The following RNF212 variants were observed in gnomAD, a reference collection of about 807,000 sequenced individuals.
The protein encoded by RNF212 is ring finger protein 212.
RNF212 carries 33 observed loss-of-function variants against 34.7 expected under a neutral mutation model. The observed-to-expected ratio is 0.95, with a 90% CI of 0.72 to 1.27. The LOEUF (loss-of-function observed/expected upper bound fraction) is 1.27. Ranked by LOEUF, RNF212 falls within the 50% of genes most tolerant of loss-of-function variation. RNF212 has a pLI of 0.00. For missense variants in RNF212, 377 were observed against 362.2 expected (o/e 1.04, Z -0.33); for synonymous variants, 140 against 136.1 (o/e 1.03, Z -0.20).
rs1718539716 is a variant in RNF212 at position 1,071,945 on chromosome 4, T to C, written c.*929A>G. The C allele has an allele frequency of 6.6e-6, 1 of 152,214 alleles. No homozygotes were observed. The highest frequency in any genetic ancestry group is 1.5e-5 in the Non-Finnish European group (1 of 68,042). The allele number at this position is 152,214 out of a possible 1,614,324, so 9.4% of individuals were successfully genotyped here. Reference sequence around the variant, plus strand: ...TTTACCCAAAGGAGCTGAAAACATGTCTACACAAAACCCTGGCACATGGAC... The same window carrying C: ...TTTACCCAAAGGAGCTGAAAACATGCCTACACAAAACCCTGGCACATGGAC... On this transcript the variant is annotated 3_prime_UTR_variant, in exon 10 of 10. Coordinates refer to ENST00000433731, the MANE Select transcript of RNF212 (RefSeq NM_001131034.4).
chr4:1,081,194 G>A (rs919231749), intron 7 of RNF212, among the ~76,000 whole-genome samples: 1 of 152,204 alleles, frequency 6.6e-6, no homozygotes, highest in Non-Finnish European at 1.5e-5. Context: ...AATCACTGTC[G>A]CTGCAGGATG....
intron 3 of RNF212, among the ~76,000 whole-genome samples, chr4:1,065,516 G>A (rs1232730135): frequency 1.8e-5 from 2 of 112,764 alleles, no homozygotes; most frequent in African/African-American, 3.8e-5. Flanking sequence ...CAACCAGTCT[G>A]GGGTGCAGTG....
downstream of RNF212, among the ~76,000 whole-genome samples, chr4:1,068,132 GA>G (rs1176749358): frequency 5.3e-5 from 8 of 152,316 alleles, no homozygotes; most frequent in African/African-American, 1.9e-4. Flanking sequence ...ATATGGAAAT[GA>G]AGAGAACCTG....
chr4:1,072,754 A>G lies in RNF212; in HGVS notation c.*120T>C, dbSNP rs1190959544. On this transcript the variant is annotated 3_prime_UTR_variant, in exon 10 of 10. Coordinates refer to ENST00000433731, the MANE Select transcript of RNF212 (RefSeq NM_001131034.4). Reference sequence around the variant, plus strand: ...AAAGCAAATTGGGTAAAAGGTTAATATCCTGCACACTGAGGGCTTCCACAT... The same window carrying G: ...AAAGCAAATTGGGTAAAAGGTTAATGTCCTGCACACTGAGGGCTTCCACAT... 6.9e-6 allele frequency: 10 copies of G among 1,447,908 alleles called. No homozygotes were observed. The Admixed American group carries it at 2.5e-4, about 36-fold the overall frequency. The allele number at this position is 1,447,908 out of a possible 1,614,324, so 89.7% of individuals were successfully genotyped here.
At chr4:1,057,450 G>C (rs1717403866) in intron 4 of RNF212, among the ~76,000 whole-genome samples, 1 of 152,192 alleles carries the variant, frequency 6.6e-6, no homozygotes, top group Non-Finnish European at 1.5e-5. Context: ...CCAGAGGTCT[G>C]AGAAGAGCAG....
intron 8 of RNF212, among the ~76,000 whole-genome samples, chr4:1,075,493 A>G (rs1219596915): frequency 6.6e-6 from 1 of 152,096 alleles, no homozygotes; most frequent in Non-Finnish European, 1.5e-5. Context: ...TGTACTTTTA[A>G]CCAGCCAGAT....
At chr4:1,104,169 C>T (rs900079127) in intron 2 of RNF212, among the ~76,000 whole-genome samples, 3 of 152,204 alleles carry the variant, frequency 2.0e-5, no homozygotes, top group Non-Finnish European at 4.4e-5. Flanking sequence ...CAAAGCCTCC[C>T]TAAAGAACAG....
chr4:1,092,125 C>A (rs1722279439), intron 3 of RNF212, among the ~76,000 whole-genome samples: 1 of 152,278 alleles, frequency 6.6e-6, no homozygotes, highest in African/African-American at 2.4e-5. Context: ...ACATTCCACC[C>A]TGCAGGCAAG....
chr4:1,100,398 ATTTTTTTTTT>A (rs58088919), intron 2 of RNF212: 12 of 84,418 alleles, frequency 1.4e-4, no homozygotes, highest in Admixed American at 9.1e-4. Flanking sequence ...ATTTTCCATA[ATTTTTTTTTT>A]TTTTTTTTTT....
intron 3 of RNF212, among the ~76,000 whole-genome samples, chr4:1,062,832 A>G (rs1560090142): frequency 6.6e-6 from 1 of 152,238 alleles, no homozygotes; most frequent in Non-Finnish European, 1.5e-5. Context: ...CACAAAAAAA[A>G]TCCCCAGAGC....
chr4:1,072,867 A>T lies in RNF212; in HGVS notation c.*7T>A. On this transcript the variant is annotated 3_prime_UTR_variant, in exon 10 of 10. Coordinates refer to ENST00000433731, the MANE Select transcript of RNF212 (RefSeq NM_001131034.4). ...CTCAGAATCATTAATAGTCACATAA[A>T]TGCAAATCAAAATGACTTTTTCCTT... 6.3e-7 allele frequency: 1 copy of T among 1,580,814 alleles called. No homozygotes were observed. Among genetic ancestry groups the T allele is most frequent in the Non-Finnish European group, 8.6e-7 (1 of 1,161,918 alleles).
rs189898483 is a variant in RNF212 at position 1,108,893 on chromosome 4, G to T, written c.110-489C>A. On this transcript the variant is annotated intron_variant, in intron 1 of 9. Coordinates refer to ENST00000433731, the MANE Select transcript of RNF212 (RefSeq NM_001131034.4). ...TTTTAAATTTTTTTGTAGAGACAGG[G>T]TCTCACTATGTTGCCCACACTGGGC... Among the ~76,000 whole-genome samples the T allele has an allele frequency of 3.9e-4, 59 of 152,076 alleles. 1 individual carries two copies. The East Asian group carries it at 9.1e-3, about 23-fold the overall frequency.
At chr4:1,071,305 TTC>T (rs1718473556), downstream of RNF212, among the ~76,000 whole-genome samples, 1 of 152,150 alleles carries the variant, frequency 6.6e-6, no homozygotes, top group Admixed American at 6.5e-5. Flanking sequence ...TTACAATTTT[TTC>T]TGTGTGCTTG....
At chr4:1,070,879 G>GT (rs61464812), downstream of RNF212, among the ~76,000 whole-genome samples, 2,532 of 145,972 alleles carry the variant, frequency 0.017, 63 homozygotes, top group African/African-American at 0.059. Context: ...TTGGAGTTTT[G>GT]TTTTTTTTTT....
chr4:1,111,082 C>T (rs1725585600), intron 1 of RNF212, among the ~76,000 whole-genome samples: 2 of 152,164 alleles, frequency 1.3e-5, no homozygotes, highest in African/African-American at 4.8e-5. Flanking sequence ...ATGTTATCTT[C>T]GGGGAACATT....
intron 8 of RNF212, among the ~76,000 whole-genome samples, chr4:1,077,743 C>T (rs1200093632): frequency 6.6e-6 from 1 of 152,212 alleles, no homozygotes; most frequent in African/African-American, 2.4e-5. Flanking sequence ...TGGTGGGGAC[C>T]TACAGGGACC....
At chr4:1,111,892 C>T (rs6840347) in intron 1 of RNF212, among the ~76,000 whole-genome samples, 27,027 of 152,154 alleles carry the variant, frequency 0.18, 4,641 homozygotes, top group African/African-American at 0.45. Flanking sequence ...TACAATGGAA[C>T]ACCACACAAC....
At chr4:1,060,756 C>T (rs371245228) in intron 3 of RNF212, among the ~76,000 whole-genome samples, 40 of 152,372 alleles carry the variant, frequency 2.6e-4, no homozygotes, top group Non-Finnish European at 5.3e-4. Flanking sequence ...GAGGGGACCG[C>T]GTACTGAAGA....
chr4:1,103,444 A>T (rs1295501404), intron 2 of RNF212, among the ~76,000 whole-genome samples: 2 of 152,220 alleles, frequency 1.3e-5, no homozygotes, highest in East Asian at 3.8e-4. Context: ...CATTACAAGA[A>T]AAAAAACTTA....
Sources: gnomAD v4.1 joint callset for allele counts (sites outside exome capture counted in the v4.1 genomes callset) on GRCh38, gnomAD v4.1.1 for gene constraint, MANE v1.5 for transcripts, NCBI Gene and HGNC (gene_info 2026-07-23, HGNC 2026-07-21) for gene names.